NEB: variants seen among roughly 807,000 people sequenced by gnomAD.
NEB encodes nebulin.
In NEB, 512 loss-of-function variants were observed where a neutral mutation model predicts 952.2. The ratio of observed to expected loss-of-function variants is 0.54; its 90% CI spans 0.50 to 0.58. The LOEUF is 0.58. Among genes scored for constraint, NEB ranks in the 20% least tolerant of loss-of-function variants. The pLI, the probability that NEB is intolerant of heterozygous loss-of-function variation, is 0.00. For missense variants in NEB, 8,428 were observed against 9,231.1 expected (o/e 0.91, Z 3.56); for synonymous variants, 2,900 against 3,149.8 (o/e 0.92, Z 2.66).
chr2:151,554,248 G>A (rs1163365014), intron 125 of NEB, among the ~76,000 whole-genome samples: 1 of 152,184 alleles, frequency 6.6e-6, no homozygotes, highest in Non-Finnish European at 1.5e-5. Flanking sequence ...CACAGTCAGT[G>A]TCATATGCAT....
At chr2:151,508,356 C>T (rs1256817355) in intron 161 of NEB, among the ~76,000 whole-genome samples, 2 of 152,182 alleles carry the variant, frequency 1.3e-5, no homozygotes, top group African/African-American at 4.8e-5. Flanking sequence ...CATGGCAAAG[C>T]TGGCAGAGGG....
In NEB at chr2:151,687,738, A is replaced by C; in HGVS notation, c.2416-5T>G. ...CCAGTCTTGCTTATAAACATTCTGGACAAGAAAAATTCAGCAAAGGAATGA... is the reference window on the plus strand; with the variant it reads ...CCAGTCTTGCTTATAAACATTCTGGCCAAGAAAAATTCAGCAAAGGAATGA... On this transcript the variant is annotated splice_polypyrimidine_tract_variant and splice_region_variant and intron_variant, in intron 25 of 181. Coordinates refer to ENST00000397345, the MANE Select transcript of NEB (RefSeq NM_001164508.2). 6.4e-7 allele frequency: 1 copy of C among 1,571,864 alleles called. No homozygotes were observed. Among genetic ancestry groups the C allele is most frequent in the Non-Finnish European group, 8.6e-7 (1 of 1,157,278 alleles).
chr2:151,636,012 A>T (rs1170818925), intron 64 of NEB, among the ~76,000 whole-genome samples: 1 of 152,222 alleles, frequency 6.6e-6, no homozygotes, highest in Non-Finnish European at 1.5e-5. Context: ...TTGGTTGACC[A>T]GTTTTCACAG....
At position 151,567,197 on chromosome 2, in the gene NEB, C is replaced by A. The variant is rs1553775860; in HGVS notation, c.18127G>T (p.Ala6043Ser). Residue 6043 changes from alanine (A) to serine (S), a missense_variant, in exon 114 of 182, where the codon GCA becomes TCA. This residue lies in a region of NEB where 3,374 missense variants were observed against 3,651.5 expected (regional missense o/e 0.92). Transcript: ENST00000397345. ...CHPDQNDVIQ[A>S]RKAYDLQSDN... ...CTCTGTAGGTCATAGGCCTTTCTTG[C>A]CTGAATAACATCGTTCTGGTCAGGA... 4 of 1,609,608 alleles carry A rather than the reference C, an allele frequency of 2.5e-6. No homozygotes were observed. In the East Asian group the frequency reaches 8.9e-5, roughly 36 times the overall value.
At position 151,525,940 on chromosome 2, in the gene NEB, C is replaced by A. The variant is rs6721666; in HGVS notation, c.22161+18G>T. On this transcript the variant is annotated intron_variant, in intron 150 of 181. Coordinates refer to ENST00000397345, the MANE Select transcript of NEB (RefSeq NM_001164508.2). ...AGTGGCATTGTTGCTGCCAAGAGAC[C>A]GGTGGTTGATCACTTACATCACTGA... is the stretch of plus-strand genomic sequence containing the variant. 32 of 1,590,050 alleles carry A rather than the reference C, an allele frequency of 2.0e-5. No individual in the cohort carries two copies. Among genetic ancestry groups the A allele is most frequent in the Non-Finnish European group, 2.4e-5 (28 of 1,158,348 alleles).
At chr2:151,578,231 T>A (rs1229456858) in intron 105 of NEB, among the ~76,000 whole-genome samples, 1 of 151,452 alleles carries the variant, frequency 6.6e-6, no homozygotes, top group Non-Finnish European at 1.5e-5. Context: ...CGAGTAAATC[T>A]AAAAATGCCT....
intron 65 of NEB, among the ~76,000 whole-genome samples, chr2:151,632,937 T>C (rs1056190490): frequency 6.6e-6 from 1 of 152,224 alleles, no homozygotes; most frequent in African/African-American, 2.4e-5. Context: ...CACAGGGTTC[T>C]GTATGTCAGA....
chr2:151,534,226 G>A lies in NEB; in HGVS notation c.21313-680C>T, dbSNP rs2153521056. 1.2e-6 allele frequency: 2 copies of A among 1,613,192 alleles called. No homozygotes were observed. Among genetic ancestry groups the A allele is most frequent in the Non-Finnish European group, 1.7e-6 (2 of 1,179,576 alleles). On this transcript the variant is annotated intron_variant, in intron 142 of 181. Transcript: ENST00000397345. ...CCCCATCACAGTACCTGACTGATCTGGTCGCCTGCGGTCTTAGCCAGCAGA... is the reference window on the plus strand; with the variant it reads ...CCCCATCACAGTACCTGACTGATCTAGTCGCCTGCGGTCTTAGCCAGCAGA...
chr2:151,727,679 T>A lies in NEB; in HGVS notation c.294+12A>T, dbSNP rs762719110. ...AATCAAGCCAGGTTAGCAGAAGTTG[T>A]TTGAAACTTACTGGGCTAAAAAGAT... is the stretch of plus-strand genomic sequence containing the variant. On this transcript the variant is annotated intron_variant, in intron 5 of 181. Coordinates refer to ENST00000397345, the MANE Select transcript of NEB (RefSeq NM_001164508.2). 8 of 1,606,956 alleles carry A rather than the reference T, an allele frequency of 5.0e-6. No individual in the cohort carries two copies. Among genetic ancestry groups the A allele is most frequent in the Non-Finnish European group, 6.8e-6 (8 of 1,174,212 alleles).
In NEB at chr2:151,496,960, T is replaced by TTG; in HGVS notation, c.24372_24373dup (p.Asn8125ThrfsTer21). ...AAGTACCGAGCTAATATTTTCTTGA[T>TTG]TGTGTTTGACTCTCTCCATCTCAGG... On this transcript the variant is annotated frameshift_variant, in exon 172 of 182. Coordinates refer to ENST00000397345, the MANE Select transcript of NEB (RefSeq NM_001164508.2). LOFTEE classifies it high-confidence loss of function. 1 of 1,577,968 alleles carries TTG rather than the reference T, an allele frequency of 6.3e-7. No individual in the cohort carries two copies. Among genetic ancestry groups the TTG allele is most frequent in the Non-Finnish European group, 8.6e-7 (1 of 1,159,478 alleles).
intron 13 of NEB, among the ~76,000 whole-genome samples, chr2:151,705,806 T>A (rs1284008551): frequency 1.3e-5 from 2 of 152,194 alleles, no homozygotes; most frequent in East Asian, 1.9e-4. Context: ...TTATTCTAAA[T>A]GAAGTAACTC....
chr2:151,508,930 AT>A (rs1354830901), intron 161 of NEB, among the ~76,000 whole-genome samples: 1 of 152,074 alleles, frequency 6.6e-6, no homozygotes, highest in Non-Finnish European at 1.5e-5. Flanking sequence ...TTAGAGCCTT[AT>A]TTTTCTTTCA....
intron 142 of NEB, among the ~76,000 whole-genome samples, 177 bp from the exon 143 acceptor site, chr2:151,533,723 G>A (rs1400047974): frequency 6.6e-6 from 1 of 152,198 alleles, no homozygotes; most frequent in African/African-American, 2.4e-5. Context: ...TGACTGCAAT[G>A]CTTGCGGTTG....
At position 151,501,368 on chromosome 2, in the gene NEB, T is replaced by A. The variant is rs2064404059; in HGVS notation, c.24021+23A>T. The A allele has an allele frequency of 2.1e-6, 3 of 1,438,684 alleles. No individual in the cohort carries two copies. In the East Asian group the frequency reaches 7.4e-5, roughly 36 times the overall value. The allele number at this position is 1,438,684 out of a possible 1,614,324, so 89.1% of individuals were successfully genotyped here. On this transcript the variant is annotated intron_variant, in intron 168 of 181. Coordinates refer to ENST00000397345, the MANE Select transcript of NEB (RefSeq NM_001164508.2). ...GAAATTATTATTTTTTAATATGGAGTTAAAGAGCTTTCTCCCAAATACCGA... is the reference window on the plus strand; with the variant it reads ...GAAATTATTATTTTTTAATATGGAGATAAAGAGCTTTCTCCCAAATACCGA...
intron 46 of NEB, 129 bp downstream of exon 46, chr2:151,662,005 TC>T: frequency 1.4e-6 from 1 of 706,572 alleles, no homozygotes; most frequent in African/African-American, 1.8e-5. Flanking sequence ...ACGACAAGAC[TC>T]TTTTTCTAGG....
chr2:151,724,430 C>G, intron 7 of NEB, 66 bp from the exon 8 acceptor site: 3 of 1,213,546 alleles, frequency 2.5e-6, no homozygotes, highest in Non-Finnish European at 3.6e-6. Context: ...ATTTAAACAA[C>G]AAAGGGAGAC....
chr2:151,717,228 TTTA>T (rs2150339145), intron 10 of NEB, among the ~76,000 whole-genome samples, 185 bp downstream of exon 10: 1 of 152,370 alleles, frequency 6.6e-6, no homozygotes, highest in East Asian at 1.9e-4. Context: ...TGGCTAAACA[TTTA>T]TTAACACAGT....
intron 80 of NEB, 96 bp downstream of exon 80, chr2:151,610,419 AC>A: frequency 1.1e-6 from 1 of 879,784 alleles, no homozygotes; most frequent in Non-Finnish European, 1.8e-6. Context: ...ACTGGAAGGT[AC>A]ATGTGGAAAT....
intron 9 of NEB, among the ~76,000 whole-genome samples, chr2:151,720,778 G>A (rs2099772104): frequency 6.6e-6 from 1 of 152,186 alleles, no homozygotes; most frequent in South Asian, 2.1e-4. Flanking sequence ...TCAGTCCTAA[G>A]TGTGGGTGTC....
Sources: allele counts gnomAD v4.1 joint callset (sites outside exome capture counted in the v4.1 genomes callset), GRCh38; gene constraint gnomAD v4.1.1; regional missense constraint gnomAD v4.1.1; transcripts MANE v1.5; gene names NCBI Gene and HGNC (gene_info 2026-07-23, HGNC 2026-07-21).